BLTP3A: variants seen among roughly 807,000 people sequenced by gnomAD.
BLTP3A encodes the protein bridge-like lipid transfer protein family member 3A, also known as ICBP90 binding protein 1.
the BLTP3A span, chr6:34,834,380 C>G: frequency 7.4e-6 from 12 of 1,613,348 alleles, no homozygotes; most frequent in African/African-American, 1.5e-4. Flanking sequence ...TCGCCTTACC[C>G]GCATCACTGA....
the BLTP3A span, among the ~76,000 whole-genome samples, chr6:34,862,844 A>AC: frequency 3.3e-5 from 5 of 151,706 alleles, no homozygotes; most frequent in East Asian, 5.8e-4. Flanking sequence ...AAAAAAAAAA[A>AC]AAACCAAAAA....
At chr6:34,832,575 A>G in the BLTP3A span, among the ~76,000 whole-genome samples, 1 of 151,766 alleles carries the variant, frequency 6.6e-6, no homozygotes, top group African/African-American at 2.4e-5. Context: ...AGCTGGGACT[A>G]CAGGCATGCA....
chr6:34,835,189 T>G, the BLTP3A span: 1 of 1,204,192 alleles, frequency 8.3e-7, no homozygotes, highest in Non-Finnish European at 1.2e-6. Context: ...TACTTTCACA[T>G]ATTGGAGATT....
At chr6:34,795,790 T>C in the BLTP3A span, among the ~76,000 whole-genome samples, 1 of 152,058 alleles carries the variant, frequency 6.6e-6, no homozygotes, top group Non-Finnish European at 1.5e-5. Flanking sequence ...ATAGATGAAG[T>C]AGGAATAAGT....
At chr6:34,792,427 C>A in the BLTP3A span, 2 of 922,678 alleles carry the variant, frequency 2.2e-6, no homozygotes, top group Non-Finnish European at 3.0e-6. Flanking sequence ...GCAGCCCCTG[C>A]CTAACTCGAG....
chr6:34,832,839 C>G, the BLTP3A span, among the ~76,000 whole-genome samples: 1 of 152,104 alleles, frequency 6.6e-6, no homozygotes, highest in African/African-American at 2.4e-5. Flanking sequence ...TCTATTTTCT[C>G]TCTGGTTTTT....
the BLTP3A span, among the ~76,000 whole-genome samples, chr6:34,803,872 A>G: frequency 1.9e-3 from 291 of 152,204 alleles, 1 homozygote; most frequent in African/African-American, 6.5e-3. Context: ...TTCCTAGGCA[A>G]TGCTGAAAAC....
the BLTP3A span, chr6:34,836,352 C>A: frequency 6.2e-7 from 1 of 1,613,082 alleles, no homozygotes; most frequent in South Asian, 1.1e-5. Context: ...GAGCCAGGTA[C>A]CCCATGAGGC....
chr6:34,867,301 T>C, the BLTP3A span: 1 of 1,614,186 alleles, frequency 6.2e-7, no homozygotes, highest in Non-Finnish European at 8.5e-7. Flanking sequence ...GGAGCCCTCT[T>C]GTGAATAATT....
chr6:34,827,258 C>G, the BLTP3A span, among the ~76,000 whole-genome samples: 2 of 151,820 alleles, frequency 1.3e-5, no homozygotes, highest in African/African-American at 2.4e-5. Context: ...TTGCAGTGAG[C>G]CAAGATCGTG....
the BLTP3A span, among the ~76,000 whole-genome samples, chr6:34,846,077 TCCCTCCCCTCCCCTCCCCTCCCCTC>T: frequency 1.4e-5 from 1 of 70,576 alleles, no homozygotes; most frequent in Non-Finnish European, 2.6e-5. Flanking sequence ...CCATTTCTTT[TCCCTCCCCTCCCCTCCCCTCCCCTC>T]CCCTCCCCTC....
At chr6:34,839,910 G>A in the BLTP3A span, among the ~76,000 whole-genome samples, 13 of 152,334 alleles carry the variant, frequency 8.5e-5, no homozygotes, top group African/African-American at 2.6e-4. Context: ...GGGCGCCAGC[G>A]CCTGTACAAG....
chr6:34,873,860 C>CT, the BLTP3A span: 1 of 152,822 alleles, frequency 6.5e-6, no homozygotes, highest in African/African-American at 2.4e-5. Context: ...GTGTTTACAA[C>CT]TAATTGATCA....
At chr6:34,835,985 G>A in the BLTP3A span, among the ~76,000 whole-genome samples, 370 of 152,300 alleles carry the variant, frequency 2.4e-3, no homozygotes, top group Non-Finnish European at 4.2e-3. Flanking sequence ...TTTGGAGTTT[G>A]GGTTATATAA....
At chr6:34,832,474 C>CAAG in the BLTP3A span, among the ~76,000 whole-genome samples, 1 of 150,498 alleles carries the variant, frequency 6.6e-6, no homozygotes, top group African/African-American at 2.4e-5. Context: ...CTGACTCTGT[C>CAAG]ACCCTGGCTT....
the BLTP3A span, among the ~76,000 whole-genome samples, chr6:34,837,608 C>T: frequency 3.3e-5 from 5 of 151,900 alleles, no homozygotes; most frequent in Admixed American, 3.3e-4. Context: ...AGCCCAGGAG[C>T]TCAAGGTTGC....
At chr6:34,827,159 A>T in the BLTP3A span, among the ~76,000 whole-genome samples, 18 of 152,070 alleles carry the variant, frequency 1.2e-4, no homozygotes, top group Admixed American at 3.9e-4. Flanking sequence ...AAAATACAAA[A>T]AATTAGCCGG....
chr6:34,874,955 T>G, the BLTP3A span: 1 of 152,474 alleles, frequency 6.6e-6, no homozygotes, highest in Non-Finnish European at 1.5e-5. Flanking sequence ...AAATATAGAC[T>G]CTATCCTGCA....
At chr6:34,871,992 C>A in the BLTP3A span, 121 of 1,518,020 alleles carry the variant, frequency 8.0e-5, 2 homozygotes, top group East Asian at 1.0e-3. Context: ...ACTGGTAAAA[C>A]CCGGGGTTGG....
Sources: allele counts gnomAD v4.1 joint callset (sites outside exome capture counted in the v4.1 genomes callset), GRCh38; gene constraint gnomAD v4.1.1; transcripts MANE v1.5; gene names NCBI Gene and HGNC (gene_info 2026-07-23, HGNC 2026-07-21).